The following ELMO1 variants were observed in gnomAD, a reference collection of about 807,000 sequenced individuals.
The protein encoded by ELMO1 is engulfment and cell motility protein 1.
In ELMO1, 26 loss-of-function variants were observed where a neutral mutation model predicts 98.9. That is an observed-to-expected ratio of 0.26 (90% CI 0.19 to 0.36). The LOEUF (loss-of-function observed/expected upper bound fraction) is 0.36, where lower values mean the gene tolerates loss of function less well. ELMO1 is among the 10% of genes least tolerant of loss of function. The probability of loss-of-function intolerance (pLI) is 1.00; values close to 1 mark genes in which losing one functional copy is unlikely to be tolerated. For synonymous variants in ELMO1, 346 were observed against 346.0 expected, an observed-to-expected ratio of 1.00 and a Z score of 0.00; for missense variants, 627 against 935.2, an observed-to-expected ratio of 0.67 and a Z score of 4.30.
At chr7:36,887,507 G>A (rs1805130653) in intron 18 of ELMO1, 53 bp downstream of exon 18, 2 of 1,527,650 alleles carry the variant, frequency 1.3e-6, no homozygotes, top group East Asian at 2.3e-5. Flanking sequence ...ATTCTCCAGG[G>A]AGCGGGCCAC....
Position 37,119,501 on chromosome 7 carries a change from T to A in ELMO1, c.1191+13629A>T, listed in dbSNP as rs1303282686. ...TCTAAATCATTATTTCTCCCAACTA[T>A]TTTTTGTAAGTATGATGTAATATGC... On this transcript the variant is annotated intron_variant, in intron 14 of 21. Coordinates refer to ENST00000310758, the MANE Select transcript of ELMO1 (RefSeq NM_014800.11). Among the ~76,000 whole-genome samples, 13 of 152,216 alleles carry A rather than the reference T, an allele frequency of 8.5e-5. 1 individual carries two copies. Among genetic ancestry groups the A allele is most frequent in the Admixed American group, 8.5e-4 (13 of 15,276 alleles).
chr7:37,143,509 C>T (rs559554966), intron 13 of ELMO1, among the ~76,000 whole-genome samples: 6 of 151,820 alleles, frequency 4.0e-5, no homozygotes, highest in African/African-American at 7.3e-5. Flanking sequence ...CAGGTTCAAG[C>T]GATTCTCTTG....
intron 13 of ELMO1, among the ~76,000 whole-genome samples, chr7:37,154,814 A>G (rs1788622120): frequency 6.6e-6 from 1 of 152,204 alleles, no homozygotes; most frequent in South Asian, 2.1e-4. Flanking sequence ...TACACAGAAT[A>G]CCACAAAGAT....
chr7:37,259,496 C>G (rs921966988), intron 5 of ELMO1, 146 bp from the exon 6 acceptor site: 1 of 851,436 alleles, frequency 1.2e-6, no homozygotes, highest in East Asian at 2.7e-5. Flanking sequence ...CAACGACAGG[C>G]TTCAAGGCTT....
chr7:37,446,479 G>T (rs1805623778), intron 1 of ELMO1, among the ~76,000 whole-genome samples: 1 of 152,214 alleles, frequency 6.6e-6, no homozygotes, highest in Non-Finnish European at 1.5e-5. Context: ...AGACCTGAAA[G>T]AAGCAGGGGA....
chr7:37,028,586 TA>T (rs973380035), intron 15 of ELMO1, among the ~76,000 whole-genome samples: 16 of 151,766 alleles, frequency 1.1e-4, no homozygotes, highest in East Asian at 9.7e-4. Flanking sequence ...TCCTGCTCTT[TA>T]AAAAAAAATT....
chr7:37,338,480 A>G (rs1336786370), intron 2 of ELMO1, among the ~76,000 whole-genome samples: 3 of 152,198 alleles, frequency 2.0e-5, no homozygotes, highest in Non-Finnish European at 4.4e-5. Context: ...CCCAGCCTCC[A>G]GAACTGTGAA....
chr7:37,445,969 A>T (rs1334959866), intron 1 of ELMO1, among the ~76,000 whole-genome samples: 1 of 152,198 alleles, frequency 6.6e-6, no homozygotes, highest in African/African-American at 2.4e-5. Context: ...CTGGTTATCT[A>T]ATCTCCCAAG....
intron 13 of ELMO1, among the ~76,000 whole-genome samples, chr7:37,140,187 A>G (rs1272628409): frequency 1.3e-5 from 2 of 151,668 alleles, no homozygotes; most frequent in Non-Finnish European, 2.9e-5. Context: ...CATCCTGGCT[A>G]ACATGATGAA....
At chr7:37,167,733 T>A (rs1789821367) in intron 13 of ELMO1, among the ~76,000 whole-genome samples, 1 of 152,248 alleles carries the variant, frequency 6.6e-6, no homozygotes, top group Admixed American at 6.5e-5. Flanking sequence ...GGCTTCCCTT[T>A]GTGGGTAACC....
At chr7:37,382,158 A>G (rs185136555) in intron 1 of ELMO1, among the ~76,000 whole-genome samples, 26 of 152,314 alleles carry the variant, frequency 1.7e-4, no homozygotes, top group African/African-American at 6.3e-4. Flanking sequence ...TTAAAAAAGA[A>G]AAGTTTCCTT....
intron 6 of ELMO1, among the ~76,000 whole-genome samples, chr7:37,255,502 G>A (rs1328894386): frequency 5.3e-5 from 8 of 152,196 alleles, no homozygotes; most frequent in Non-Finnish European, 1.2e-4. Context: ...GAAAACAAAA[G>A]CTCCTAGCAG....
chr7:37,327,699 T>C (rs1360951217), intron 2 of ELMO1, among the ~76,000 whole-genome samples: 1 of 152,220 alleles, frequency 6.6e-6, no homozygotes, highest in Non-Finnish European at 1.5e-5. Flanking sequence ...TCATCCTCCT[T>C]TCTTGAGTGG....
chr7:37,275,260 A>T (rs1179955548), intron 4 of ELMO1, among the ~76,000 whole-genome samples: 2 of 152,156 alleles, frequency 1.3e-5, no homozygotes. Flanking sequence ...TCCCTGCCAC[A>T]CCCAAGGTGA....
intron 16 of ELMO1, among the ~76,000 whole-genome samples, chr7:36,912,155 T>C (rs752587408): frequency 6.6e-6 from 1 of 152,216 alleles, no homozygotes; most frequent in Non-Finnish European, 1.5e-5. Context: ...ATTTAAAGTG[T>C]TAAATTGTGA....
intron 6 of ELMO1, 86 bp downstream of exon 6, chr7:37,259,093 CAG>C (rs1190575338): frequency 7.0e-7 from 1 of 1,419,540 alleles, no homozygotes; most frequent in Non-Finnish European, 9.4e-7. Flanking sequence ...GTCTTTAAAA[CAG>C]AGTTTGCAAG....
chr7:37,162,489 C>T (rs1322219206), intron 13 of ELMO1, among the ~76,000 whole-genome samples: 2 of 152,182 alleles, frequency 1.3e-5, no homozygotes, highest in Non-Finnish European at 2.9e-5. Flanking sequence ...TACTTTTAAA[C>T]GTCGTAAACA....
At chr7:37,374,751 A>AAAAT (rs531519033) in intron 1 of ELMO1, among the ~76,000 whole-genome samples, 2,811 of 151,446 alleles carry the variant, frequency 0.019, 95 homozygotes, top group African/African-American at 0.065. Context: ...ACTCCATCTC[A>AAAAT]AAATAAATAA....
intron 15 of ELMO1, among the ~76,000 whole-genome samples, chr7:37,067,246 C>A (rs1554404135): frequency 1.3e-5 from 2 of 152,158 alleles, no homozygotes; most frequent in African/African-American, 4.8e-5. Context: ...AGTAAACATT[C>A]TGATCACATG....
Sources: allele counts gnomAD v4.1 joint callset (sites outside exome capture counted in the v4.1 genomes callset), GRCh38; gene constraint gnomAD v4.1.1; transcripts MANE v1.5; gene names NCBI Gene and HGNC (gene_info 2026-07-23, HGNC 2026-07-21).